STARD9: variants seen among roughly 807,000 people sequenced by gnomAD.
STARD9 encodes StAR related lipid transfer domain containing 9.
STARD9 carries 346 observed loss-of-function variants against 399.8 expected under a neutral mutation model. The observed-to-expected ratio is 0.87, with a 90% confidence interval of 0.79 to 0.95. The LOEUF (loss-of-function observed/expected upper bound fraction) is 0.95, where lower values mean the gene tolerates loss of function less well. Among genes scored for constraint, STARD9 ranks in the 40% least tolerant of loss-of-function variants. The probability of loss-of-function intolerance (pLI) is 0.00; values close to 1 mark genes in which losing one functional copy is unlikely to be tolerated. For missense variants in STARD9, 5,832 were observed against 5,667.5 expected, an observed-to-expected ratio of 1.03 and a Z score of -0.93; for synonymous variants, 2,203 against 2,143.5, an observed-to-expected ratio of 1.03 and a Z score of -0.77.
intron 3 of STARD9, among the ~76,000 whole-genome samples, chr15:42,625,405 A>C (rs1430716044): frequency 2.0e-5 from 3 of 151,584 alleles, no homozygotes; most frequent in African/African-American, 7.3e-5. Flanking sequence ...ATCTCGGCTC[A>C]CTGCAACCTC....
chr15:42,651,440 T>G (rs1211600806), intron 8 of STARD9, among the ~76,000 whole-genome samples: 1 of 152,180 alleles, frequency 6.6e-6, no homozygotes. Flanking sequence ...GAATATAGTG[T>G]AAAAGGTTCA....
chr15:42,685,276 A>C lies in STARD9; in HGVS notation c.3698A>C (p.Glu1233Ala). The part of the protein sequence containing the change: ...FPGSADEIPT[E>A]TFWHLEDSSL... ...GGTTCAGCTGACGAGATACCCACAG[A>C]GACTTTTTGGCACCTGGAGGACTCT... Residue 1233 changes from glutamate to alanine, a missense_variant, in exon 23 of 33, where the codon GAG becomes GCG. Physicochemically the swap from Glu to Ala is moderately radical, Grantham distance 107. Transcript: ENST00000290607. The C allele has an allele frequency of 1.3e-6, 2 of 1,537,592 alleles. No individual in the cohort carries two copies. Among genetic ancestry groups the C allele is most frequent in the Non-Finnish European group, 1.7e-6 (2 of 1,146,990 alleles).
At chr15:42,701,789 T>C (rs1566958378) in intron 26 of STARD9, among the ~76,000 whole-genome samples, 1 of 151,854 alleles carries the variant, frequency 6.6e-6, no homozygotes, top group African/African-American at 2.4e-5. Context: ...AGTCAGGAGT[T>C]CGAGACCAGC....
chr15:42,701,221 T>A (rs904778959), intron 26 of STARD9, among the ~76,000 whole-genome samples: 13 of 152,192 alleles, frequency 8.5e-5, no homozygotes, highest in Non-Finnish European at 1.6e-4. Context: ...CAGAATTTCT[T>A]TGGCTGTTTG....
At chr15:42,633,975 T>G (rs1049407973) in intron 3 of STARD9, among the ~76,000 whole-genome samples, 8 of 152,042 alleles carry the variant, frequency 5.3e-5, no homozygotes, top group Non-Finnish European at 1.0e-4. Flanking sequence ...GCTAGTGTTG[T>G]CCTAGATGGA....
chr15:42,657,830 G>A (rs1393554051), intron 9 of STARD9, among the ~76,000 whole-genome samples: 1 of 152,140 alleles, frequency 6.6e-6, no homozygotes, highest in African/African-American at 2.4e-5. Flanking sequence ...CACATATATA[G>A]GCAACTGATT....
intron 1 of STARD9, chr15:42,581,419 T>A (rs940811933): frequency 2.0e-5 from 31 of 1,523,598 alleles, no homozygotes; most frequent in Non-Finnish European, 2.7e-5. Context: ...GCGTCGCTGA[T>A]GGCCACGGTG....
In STARD9 at chr15:42,694,559, G is replaced by C. The variant is rs1270420916; in HGVS notation, c.12796G>C (p.Glu4266Gln). The C allele has an allele frequency of 3.9e-6, 6 of 1,537,220 alleles. No homozygotes were observed. Among genetic ancestry groups the C allele is most frequent in the Non-Finnish European group, 5.2e-6 (6 of 1,146,906 alleles). The change falls in exon 24 of 33, where the codon GAG (glutamate) becomes CAG (glutamine). Residue 4266 changes from glutamate to glutamine, a missense_variant. Around this residue, in one of 2 missense-constraint regions of STARD9, gnomAD observed 5,828 missense variants for 5,651.1 expected, o/e 1.03. Coordinates refer to ENST00000290607, the MANE Select transcript of STARD9 (RefSeq NM_020759.3). ...QKKAIETLRRERAERLGNFCR... is the reference protein window; with the variant it reads ...QKKAIETLRRQRAERLGNFCR... ...AAAGGCCATTGAGACCCTCAGGAGA[G>C]AGCGGGCTGAGCGACTTGGGAACTT...
At chr15:42,639,399 T>C (rs1407532803) in intron 7 of STARD9, among the ~76,000 whole-genome samples, 1 of 152,174 alleles carries the variant, frequency 6.6e-6, no homozygotes, top group Non-Finnish European at 1.5e-5. Flanking sequence ...TTGGTGGTGG[T>C]AGTCAGACAT....
At chr15:42,614,952 G>A (rs1274791841) in intron 3 of STARD9, among the ~76,000 whole-genome samples, 3 of 151,582 alleles carry the variant, frequency 2.0e-5, no homozygotes, top group South Asian at 2.1e-4. Flanking sequence ...GTGACAGAGC[G>A]AGACTCCGTC....
Position 42,694,274 on chromosome 15 carries a change from G to A in STARD9, c.12696G>A (p.Gln4232=), listed in dbSNP as rs74803275. 6.6e-7 allele frequency: 1 copy of A among 1,523,598 alleles called. No individual in the cohort carries two copies. The highest frequency in any genetic ancestry group is 8.8e-7 in the Non-Finnish European group (1 of 1,139,890). The allele number at this position is 1,523,598 out of a possible 1,614,324, so 94.4% of individuals were successfully genotyped here. Residue 4232 remains glutamine (Q), a synonymous_variant, in exon 23 of 33, where the codon CAG becomes CAA. Coordinates refer to ENST00000290607, the MANE Select transcript of STARD9 (RefSeq NM_020759.3). ...CCGATGCCCTGCTCCAGGTGCTGCA[G>A]AGTGGGACAGGGGAGGCGCTTGCTG... The part of the protein sequence containing the change: ...GEADALLQVL[Q]SGTGEALAAD...
At chr15:42,638,123 T>C in intron 6 of STARD9, 36 bp downstream of exon 6, 1 of 1,513,132 alleles carries the variant, frequency 6.6e-7, no homozygotes, top group South Asian at 1.2e-5. Flanking sequence ...CTACAGTAGT[T>C]CTTCTTCTAC....
At position 42,638,022 on chromosome 15, in the gene STARD9, G is replaced by T; in HGVS notation, c.385-4G>T. ...ATGAAACCCCAACCCTCTGGTTTGT[G>T]CAGGGTCTCTTCGTCAGGGAGAAAG... On this transcript the variant is annotated splice_polypyrimidine_tract_variant and splice_region_variant and intron_variant, in intron 5 of 32. Coordinates refer to ENST00000290607, the MANE Select transcript of STARD9 (RefSeq NM_020759.3). 6.5e-7 allele frequency: 1 copy of T among 1,537,362 alleles called. No homozygotes were observed. Among genetic ancestry groups the T allele is most frequent in the Non-Finnish European group, 8.7e-7 (1 of 1,146,936 alleles).
intron 3 of STARD9, among the ~76,000 whole-genome samples, chr15:42,610,076 G>A (rs929140683): frequency 4.6e-5 from 7 of 152,068 alleles, no homozygotes; most frequent in African/African-American, 7.2e-5. Context: ...CTGGGCGACA[G>A]AACGAGACAC....
chr15:42,714,283 G>A (rs1269921300), intron 26 of STARD9, among the ~76,000 whole-genome samples: 2 of 151,872 alleles, frequency 1.3e-5, no homozygotes, highest in Non-Finnish European at 2.9e-5. Flanking sequence ...AGCCAGGATG[G>A]TCTCGATCTC....
intron 3 of STARD9, among the ~76,000 whole-genome samples, chr15:42,625,690 ACTT>A (rs1443060261): frequency 1.4e-5 from 2 of 146,962 alleles, no homozygotes; most frequent in African/African-American, 2.5e-5. Flanking sequence ...CTAATGAAGA[ACTT>A]CTTTTCTGTG....
At chr15:42,631,942 T>TA (rs1380338593) in intron 3 of STARD9, among the ~76,000 whole-genome samples, 1 of 152,168 alleles carries the variant, frequency 6.6e-6, no homozygotes, top group Non-Finnish European at 1.5e-5. Context: ...GTTCTGTAAA[T>TA]ATCTATTAGT....
At chr15:42,596,097 G>A (rs2058498683) in intron 3 of STARD9, among the ~76,000 whole-genome samples, 1 of 152,186 alleles carries the variant, frequency 6.6e-6, no homozygotes, top group African/African-American at 2.4e-5. Context: ...AAGCTTATGT[G>A]GATTTTTCCC....
At chr15:42,696,803 G>C (rs1447511734) in intron 26 of STARD9, among the ~76,000 whole-genome samples, 1 of 151,914 alleles carries the variant, frequency 6.6e-6, no homozygotes, top group African/African-American at 2.4e-5. Context: ...GCACACACTT[G>C]ACTTGAGCAG....
Sources: allele counts gnomAD v4.1 joint callset (sites outside exome capture counted in the v4.1 genomes callset), GRCh38; gene constraint gnomAD v4.1.1; regional missense constraint gnomAD v4.1.1; transcripts MANE v1.5; gene names NCBI Gene and HGNC (gene_info 2026-07-23, HGNC 2026-07-21).